The following EPG5 variants were observed in gnomAD, a reference collection of about 807,000 sequenced individuals.
EPG5 encodes ectopic P-granules 5 autophagy tethering factor, also known as ectopic P granules protein 5 homolog.
EPG5 carries 159 observed loss-of-function variants against 302.7 expected under a neutral mutation model. That is an observed-to-expected ratio of 0.53 (90% CI 0.46 to 0.60). The LOEUF is 0.60. Ranked by LOEUF, EPG5 falls within the 20% of genes least tolerant of loss-of-function variation. The pLI, the probability that EPG5 is intolerant of heterozygous loss-of-function variation, is 0.00. For missense variants in EPG5, 2,896 were observed against 3,092.4 expected, an observed-to-expected ratio of 0.94 and a Z score of 1.51; for synonymous variants, 1,158 against 1,136.8, an observed-to-expected ratio of 1.02 and a Z score of -0.37.
chr18:45,914,138 C>G (rs9959239), intron 20 of EPG5, among the ~76,000 whole-genome samples: 2 of 152,166 alleles, frequency 1.3e-5, no homozygotes, highest in South Asian at 4.1e-4. Context: ...CAGACAGGGG[C>G]TCTGTCTTTA....
Position 45,867,660 on chromosome 18 carries a change from C to T in EPG5, c.6314G>A (p.Trp2105Ter). Residue 2105 changes from tryptophan (W) to a stop codon, truncating the protein, a stop_gained, in exon 37 of 44, where the codon TGG becomes TAG. Coordinates refer to ENST00000282041, the MANE Select transcript of EPG5 (RefSeq NM_020964.3). LOFTEE classifies it high-confidence loss of function. ...VNWVSVLSDA[W>*]NSSPHPETRS... is the part of the protein sequence containing the mutation. ...GGTTTCTGGGTGGGGACTGGAATTC[C>T]AGGCATCAGAGAGCACACTAACCCA... 6.2e-7 allele frequency: 1 copy of T among 1,614,036 alleles called. No individual in the cohort carries two copies. Among genetic ancestry groups the T allele is most frequent in the Non-Finnish European group, 8.5e-7 (1 of 1,179,980 alleles).
chr18:45,909,499 CT>C lies in EPG5; in HGVS notation c.4205+1021del, dbSNP rs546616374. 2.3e-3 allele frequency among the ~76,000 whole-genome samples: 346 copies of C among 152,214 alleles called. 2 individuals carry two copies. Among genetic ancestry groups the C allele is most frequent in the African/African-American group, 6.0e-3 (250 of 41,518 alleles). On this transcript the variant is annotated intron_variant, in intron 23 of 43. Transcript: ENST00000282041. ...GTGCTAGATGAAATGGGGACCTCAC[CT>C]AGCTATTGTGTATTGAGGATTAATT...
rs906608079 is a variant in EPG5 at position 45,848,139 on chromosome 18, T to G, written c.*4328A>C. 5.9e-5 allele frequency: 9 copies of G among 152,206 alleles called. No individual in the cohort carries two copies. Among genetic ancestry groups the G allele is most frequent in the Admixed American group, 3.9e-4 (6 of 15,274 alleles). The allele number at this position is 152,206 out of a possible 1,614,324, so 9.4% of individuals were successfully genotyped here. On this transcript the variant is annotated 3_prime_UTR_variant, in exon 44 of 44. Transcript: ENST00000282041. The stretch of plus-strand genomic sequence containing the variant: ...GTCTGCGTTAGTAAGTCTAGAACTT[T>G]ACCCAGCACAACCCAGACACAAATG...
At chr18:45,947,837 A>G (rs1261034508) in intron 6 of EPG5, among the ~76,000 whole-genome samples, 10 of 151,656 alleles carry the variant, frequency 6.6e-5, no homozygotes, top group African/African-American at 2.4e-4. Flanking sequence ...CAGTGACACG[A>G]TCTCAGCTCA....
the EPG5 span, among the ~76,000 whole-genome samples, chr18:45,830,188 T>G: frequency 6.6e-6 from 1 of 152,246 alleles, no homozygotes; most frequent in African/African-American, 2.4e-5. Flanking sequence ...ACCAAGGAAC[T>G]GGTGGAGATT....
Position 45,932,058 on chromosome 18 carries a change from G to A in EPG5, c.2258-1228C>T, listed in dbSNP as rs541345496. On this transcript the variant is annotated intron_variant, in intron 11 of 43. Transcript: ENST00000282041. ...TCCATCTCCAAATTGGATTTATAGT[G>A]GAAATTATTACACAAAGTATTCCCA... Among the ~76,000 whole-genome samples, 92 of 151,808 alleles carry A rather than the reference G, an allele frequency of 6.1e-4. No homozygotes were observed. In the Middle Eastern group the frequency reaches 0.01, roughly 17 times the overall value.
chr18:45,938,227 G>A (rs559209383), intron 10 of EPG5, among the ~76,000 whole-genome samples: 1 of 152,142 alleles, frequency 6.6e-6, no homozygotes, highest in African/African-American at 2.4e-5. Context: ...TTAGGAGGCT[G>A]AGCCGGGCAG....
intron 3 of EPG5, among the ~76,000 whole-genome samples, chr18:45,951,692 C>T (rs1381429592): frequency 6.6e-6 from 1 of 152,106 alleles, no homozygotes; most frequent in Non-Finnish European, 1.5e-5. Flanking sequence ...CTCCTGACCT[C>T]AAGTGATCCA....
chr18:45,897,953 T>C (rs1233960088), intron 27 of EPG5, among the ~76,000 whole-genome samples: 1 of 152,066 alleles, frequency 6.6e-6, no homozygotes, highest in Non-Finnish European at 1.5e-5. Flanking sequence ...CAAAAAAGAA[T>C]CATTTGTGTG....
chr18:45,916,685 T>A, intron 17 of EPG5, 103 bp from the exon 18 acceptor site: 2 of 1,245,574 alleles, frequency 1.6e-6, no homozygotes, highest in Non-Finnish European at 2.2e-6. Context: ...ATTGGTCCCA[T>A]TTTTCGACCA....
At chr18:45,917,931 CAT>C (rs1209327818) in intron 16 of EPG5, 112 bp from the exon 17 acceptor site, 20 of 1,030,914 alleles carry the variant, frequency 1.9e-5, no homozygotes, top group African/African-American at 6.5e-5. Flanking sequence ...GTCTCCAACA[CAT>C]GTTTTATACC....
intron 21 of EPG5, 40 bp from the exon 22 acceptor site, chr18:45,912,496 C>T: frequency 1.3e-6 from 2 of 1,563,536 alleles, no homozygotes; most frequent in Non-Finnish European, 1.7e-6. Flanking sequence ...ACAAAATGAA[C>T]ATAAATGCAA....
Position 45,954,930 on chromosome 18 carries a change from A to T in EPG5, c.472T>A (p.Ser158Thr), listed in dbSNP as rs754821148. The T allele has an allele frequency of 6.2e-7, 1 of 1,613,396 alleles. No homozygotes were observed. The highest frequency in any genetic ancestry group is 8.5e-7 in the Non-Finnish European group (1 of 1,179,772). Reference sequence around the variant, plus strand: ...GCTGGCTGAGTATAAGAAAAATTAGATTGGGGTGCACTTTCTGAAAGTCCA... The same window carrying T: ...GCTGGCTGAGTATAAGAAAAATTAGTTTGGGGTGCACTTTCTGAAAGTCCA... Reference protein sequence around the residue: ...QGGLSESAPQSNFSYTQPAME... With the variant: ...QGGLSESAPQTNFSYTQPAME... Residue 158 changes from serine to threonine, a missense_variant, in exon 2 of 44, where the codon TCT (serine) becomes ACT (threonine). Physicochemically the swap from Ser to Thr is moderately conservative, Grantham distance 58 (BLOSUM62 1). Coordinates refer to ENST00000282041, the MANE Select transcript of EPG5 (RefSeq NM_020964.3).
the EPG5 span, among the ~76,000 whole-genome samples, chr18:45,810,366 A>G: frequency 6.6e-6 from 1 of 152,242 alleles, no homozygotes; most frequent in Non-Finnish European, 1.5e-5. Flanking sequence ...TCATTCTATG[A>G]AGCCAGCATC....
rs188763824 is a variant in EPG5, at chr18:45,885,318, G to A, written c.5110-507C>T. Among the ~76,000 whole-genome samples the A allele has an allele frequency of 1.7e-3, 259 of 152,020 alleles. 2 individuals are homozygous for A. Among genetic ancestry groups the A allele is most frequent in the African/African-American group, 5.9e-3 (246 of 41,476 alleles). ...CACACCATTGCACTCCAGCCTGGGCGACAGAGCAAGATGCCGTCTCAATAA... is the reference window on the plus strand; with the variant it reads ...CACACCATTGCACTCCAGCCTGGGCAACAGAGCAAGATGCCGTCTCAATAA... On this transcript the variant is annotated intron_variant, in intron 29 of 43. Transcript: ENST00000282041.
At chr18:45,928,741 T>C in intron 13 of EPG5, 128 bp downstream of exon 13, 3 of 795,572 alleles carry the variant, frequency 3.8e-6, no homozygotes, top group East Asian at 5.6e-5. Flanking sequence ...GCACAGTAAA[T>C]GTTAGTTCCT....
Position 45,879,225 on chromosome 18 carries a change from C to A in EPG5, c.5668-11G>T, listed in dbSNP as rs1410034911. 1.9e-6 allele frequency: 3 copies of A among 1,583,186 alleles called. No individual in the cohort carries two copies. Among genetic ancestry groups the A allele is most frequent in the Non-Finnish European group, 2.6e-6 (3 of 1,165,028 alleles). On this transcript the variant is annotated splice_polypyrimidine_tract_variant and intron_variant, in intron 32 of 43. Transcript: ENST00000282041. ...TATAGTCTCCATTACCTGGAAGAGA[C>A]AACTAGTCAAAAAATGCTTACTAAA...
intron 34 of EPG5, among the ~76,000 whole-genome samples, chr18:45,877,875 GA>G (rs1018398784): frequency 6.6e-6 from 1 of 151,696 alleles, no homozygotes; most frequent in Admixed American, 6.6e-5. Flanking sequence ...TACTTTCAGG[GA>G]AAAAAAAGAC....
intron 35 of EPG5, among the ~76,000 whole-genome samples, chr18:45,871,042 G>A (rs568457402): frequency 2.5e-4 from 38 of 152,258 alleles, no homozygotes; most frequent in African/African-American, 8.9e-4. Context: ...ACAGCTTGTT[G>A]CCCTCAGTAT....
Sources: gnomAD v4.1 joint callset for allele counts (sites outside exome capture counted in the v4.1 genomes callset) on GRCh38, gnomAD v4.1.1 for gene constraint, MANE v1.5 for transcripts, NCBI Gene and HGNC (gene_info 2026-07-23, HGNC 2026-07-21) for gene names.